ADAMTSL3: variants seen among roughly 807,000 people sequenced by gnomAD.
The protein encoded by ADAMTSL3 is ADAMTS like 3.
Under a neutral mutation model 201.7 loss-of-function variants are expected in ADAMTSL3, and 128 were observed. That is an observed-to-expected ratio of 0.63 (90% CI 0.55 to 0.73). The LOEUF (loss-of-function observed/expected upper bound fraction) is 0.73, where lower values mean the gene tolerates loss of function less well. ADAMTSL3 is among the 30% of genes least tolerant of loss of function. The probability of loss-of-function intolerance (pLI) is 0.00; values close to 1 mark genes in which losing one functional copy is unlikely to be tolerated. For missense variants in ADAMTSL3, 1,990 were observed against 2,119.6 expected (o/e 0.94, Z 1.20); for synonymous variants, 738 against 748.4 (o/e 0.99, Z 0.23).
At position 83,963,452 on chromosome 15, in the gene ADAMTSL3, C is replaced by T. The variant is rs187272952; in HGVS notation, c.2491-7032C>T. Among the ~76,000 whole-genome samples the T allele has an allele frequency of 4.4e-3, 672 of 152,320 alleles. 6 individuals are homozygous for T. Among genetic ancestry groups the T allele is most frequent in the African/African-American group, 0.016 (646 of 41,580 alleles). The stretch of plus-strand genomic sequence containing the variant: ...CAAAGCCACTGTAGCCAGACTGCTT[C>T]TCTAGATTCCTCCCTTCTGGCAGGG... On this transcript the variant is annotated intron_variant, in intron 19 of 29. Transcript: ENST00000286744.
At chr15:83,982,085 T>C (rs2067393431) in intron 20 of ADAMTSL3, among the ~76,000 whole-genome samples, 188 bp from the exon 21 acceptor site, 1 of 152,242 alleles carries the variant, frequency 6.6e-6, no homozygotes, top group African/African-American at 2.4e-5. Context: ...AAGTACTAGA[T>C]AGTTGTGAAA....
chr15:83,838,106 G>T lies in ADAMTSL3; in HGVS notation c.618G>T (p.Arg206=). 1 of 1,610,174 alleles carries T rather than the reference G, an allele frequency of 6.2e-7. No individual in the cohort carries two copies. The highest frequency in any genetic ancestry group is 8.5e-7 in the Non-Finnish European group (1 of 1,178,568). ...SGICQAVGCD[R]QLGSNAKEDN... The stretch of plus-strand genomic sequence containing the variant: ...GTTGGCAGGCAGTGGGCTGCGATCG[G>T]CAACTGGGAAGCAATGCCAAGGAGG... Residue 206 remains arginine, a synonymous_variant, in exon 7 of 30, where the codon CGG becomes CGT. Coordinates refer to ENST00000286744, the MANE Select transcript of ADAMTSL3 (RefSeq NM_207517.3).
chr15:83,751,257 A>C (rs1386729933), intron 3 of ADAMTSL3, among the ~76,000 whole-genome samples: 2 of 152,226 alleles, frequency 1.3e-5, no homozygotes, highest in African/African-American at 4.8e-5. Context: ...TGATGAATAT[A>C]ATTTCAACGT....
chr15:83,937,959 T>G (rs151143232), intron 17 of ADAMTSL3, among the ~76,000 whole-genome samples: 1 of 150,992 alleles, frequency 6.6e-6, no homozygotes, highest in East Asian at 1.9e-4. Flanking sequence ...CTAAGGGAGA[T>G]TAAATTGAAA....
At chr15:83,933,872 T>G (rs1223869827) in intron 17 of ADAMTSL3, among the ~76,000 whole-genome samples, 1 of 152,188 alleles carries the variant, frequency 6.6e-6, no homozygotes, top group Non-Finnish European at 1.5e-5. Flanking sequence ...CCACGTGGTG[T>G]TGGGCCTGCA....
chr15:83,865,912 T>C (rs1355747395), intron 8 of ADAMTSL3, among the ~76,000 whole-genome samples: 1 of 151,948 alleles, frequency 6.6e-6, no homozygotes, highest in East Asian at 1.9e-4. Flanking sequence ...CAAACAAATT[T>C]ACAAGAAAAA....
At chr15:83,789,692 A>C (rs1221111922) in intron 4 of ADAMTSL3, among the ~76,000 whole-genome samples, 2 of 152,112 alleles carry the variant, frequency 1.3e-5, no homozygotes, top group African/African-American at 2.4e-5. Flanking sequence ...TAAATACATT[A>C]ATTTGTATTT....
chr15:83,940,962 T>C (rs1406797698), intron 17 of ADAMTSL3, among the ~76,000 whole-genome samples: 1 of 152,098 alleles, frequency 6.6e-6, no homozygotes, highest in African/African-American at 2.4e-5. Flanking sequence ...CTTAGAAAGT[T>C]ATCTATTTTA....
At chr15:83,764,510 G>A (rs763689912) in intron 3 of ADAMTSL3, among the ~76,000 whole-genome samples, 1 of 152,092 alleles carries the variant, frequency 6.6e-6, no homozygotes, top group Non-Finnish European at 1.5e-5. Flanking sequence ...TGGAGAGAGG[G>A]AGGACAGAAG....
chr15:83,714,791 T>TTCTTTCTTTCTTTCTTTCTTTC, intron 3 of ADAMTSL3, among the ~76,000 whole-genome samples: 1 of 78,888 alleles, frequency 1.3e-5, no homozygotes, highest in Middle Eastern at 5.6e-3. Context: ...TTCTTTTTCT[T>TTCTTTCTTTCTTTCTTTCTTTC]TCTCTCTCTT....
intron 2 of ADAMTSL3, among the ~76,000 whole-genome samples, chr15:83,656,543 C>T (rs1373005982): frequency 6.6e-6 from 1 of 152,204 alleles, no homozygotes; most frequent in Non-Finnish European, 1.5e-5. Flanking sequence ...ATCATCTAGA[C>T]TTCTTACAAA....
intron 20 of ADAMTSL3, among the ~76,000 whole-genome samples, chr15:83,979,348 C>T (rs2067345352): frequency 1.3e-5 from 2 of 152,198 alleles, no homozygotes; most frequent in South Asian, 4.1e-4. Flanking sequence ...TTGTCCACCA[C>T]TGAAAGGCCC....
chr15:83,785,592 G>A (rs1248018098), intron 4 of ADAMTSL3, among the ~76,000 whole-genome samples: 2 of 152,034 alleles, frequency 1.3e-5, no homozygotes, highest in African/African-American at 2.4e-5. Flanking sequence ...AGCTGTCAGT[G>A]TCATAATATT....
intron 3 of ADAMTSL3, among the ~76,000 whole-genome samples, chr15:83,763,574 G>A (rs1235555792): frequency 1.3e-5 from 2 of 149,150 alleles, no homozygotes; most frequent in East Asian, 2.0e-4. Flanking sequence ...GCACGATCTC[G>A]GCTCACTGCA....
chr15:83,674,312 A>G (rs1348279085), intron 2 of ADAMTSL3, among the ~76,000 whole-genome samples: 1 of 152,056 alleles, frequency 6.6e-6, no homozygotes, highest in Non-Finnish European at 1.5e-5. Context: ...GTGTGAGGTT[A>G]AGGTCAAGAC....
chr15:83,985,444 A>T (rs1464070878), intron 21 of ADAMTSL3, among the ~76,000 whole-genome samples: 1 of 152,022 alleles, frequency 6.6e-6, no homozygotes, highest in African/African-American at 2.4e-5. Context: ...CTTTTTTGTC[A>T]TAGTTTATTG....
intron 2 of ADAMTSL3, among the ~76,000 whole-genome samples, chr15:83,695,957 A>G (rs1464099918): frequency 1.6e-4 from 25 of 152,138 alleles, no homozygotes; most frequent in Non-Finnish European, 2.9e-5. Context: ...ACTGAGTTTA[A>G]GTACTGCTGG....
At chr15:83,729,195 C>A (rs1239299407) in intron 3 of ADAMTSL3, among the ~76,000 whole-genome samples, 1 of 151,930 alleles carries the variant, frequency 6.6e-6, no homozygotes, top group African/African-American at 2.4e-5. Flanking sequence ...TATTCTTAAC[C>A]CTTGGGAGTT....
At chr15:83,731,622 G>C (rs2062273360) in intron 3 of ADAMTSL3, among the ~76,000 whole-genome samples, 1 of 151,952 alleles carries the variant, frequency 6.6e-6, no homozygotes, top group African/African-American at 2.4e-5. Flanking sequence ...TCATTGCAGT[G>C]TTATACTCAA....
Sources: gnomAD v4.1 joint callset for allele counts (sites outside exome capture counted in the v4.1 genomes callset) on GRCh38, gnomAD v4.1.1 for gene constraint, MANE v1.5 for transcripts, NCBI Gene and HGNC (gene_info 2026-07-23, HGNC 2026-07-21) for gene names.